The following DIAPH2 variants were observed in gnomAD, a reference collection of about 807,000 sequenced individuals.
DIAPH2 encodes the protein protein diaphanous homolog 2.
A neutral mutation model predicts 92.7 loss-of-function variants in DIAPH2; 35 were observed. The ratio of observed to expected loss-of-function variants is 0.38; its 90% CI spans 0.29 to 0.50. The LOEUF is 0.50. Among genes scored for constraint, DIAPH2 ranks in the 20% least tolerant of loss-of-function variants. DIAPH2 has a pLI of 0.94. For missense variants in DIAPH2, 701 were observed against 819.5 expected, an observed-to-expected ratio of 0.86 and a Z score of 1.77; for synonymous variants, 301 against 280.4, an observed-to-expected ratio of 1.07 and a Z score of -0.73.
intron 26 of DIAPH2, among the ~76,000 whole-genome samples, chrX:97,491,676 G>A (rs149041910): frequency 0.015 from 1,690 of 111,891 alleles, 19 homozygotes; most frequent in Non-Finnish European, 0.024. Context: ...GATTACAGGC[G>A]TGAGCCACCG....
intron 17 of DIAPH2, among the ~76,000 whole-genome samples, chrX:97,056,599 C>A (rs1164640186): frequency 9.0e-6 from 1 of 111,637 alleles, no homozygotes; most frequent in African/African-American, 3.3e-5. Context: ...TTTTGTTAAA[C>A]CAAATTTTTC....
intron 4 of DIAPH2, among the ~76,000 whole-genome samples, chrX:96,835,849 A>T (rs2064882694): frequency 9.0e-6 from 1 of 110,707 alleles, no homozygotes; most frequent in African/African-American, 3.3e-5. Context: ...GTCTCACTCC[A>T]GTTGCCCAGA....
chrX:97,572,017 C>T (rs1449867120), intron 26 of DIAPH2, among the ~76,000 whole-genome samples: 4 of 109,307 alleles, frequency 3.7e-5, no homozygotes, highest in Non-Finnish European at 7.6e-5. Flanking sequence ...AGCAGAAGTA[C>T]GAAGTGAAGG....
chrX:97,257,957 TAAAAAAA>T (rs59772699), intron 23 of DIAPH2, among the ~76,000 whole-genome samples: 2 of 92,400 alleles, frequency 2.2e-5, no homozygotes, highest in Non-Finnish European at 4.1e-5. Flanking sequence ...GTTCTTTGTT[TAAAAAAA>T]AAAAAAAAAA....
intron 16 of DIAPH2, 92 bp from the exon 17 acceptor site, chrX:96,965,001 A>G: frequency 1.1e-6 from 1 of 939,113 alleles, no homozygotes; most frequent in East Asian, 4.1e-5. Flanking sequence ...GGAATAAAGG[A>G]ACTGTCATTC....
intron 22 of DIAPH2, among the ~76,000 whole-genome samples, chrX:97,246,414 A>G (rs1035961415): frequency 2.7e-5 from 3 of 112,537 alleles, no homozygotes; most frequent in African/African-American, 9.7e-5. Flanking sequence ...CTTCTGCAAT[A>G]AAGAATAATT....
chrX:97,053,112 G>A (rs774140286), intron 17 of DIAPH2, among the ~76,000 whole-genome samples: 1 of 110,993 alleles, frequency 9.0e-6, no homozygotes, highest in African/African-American at 3.3e-5. Flanking sequence ...GGGGTTTGTA[G>A]GACCATTACC....
intron 25 of DIAPH2, among the ~76,000 whole-genome samples, chrX:97,393,777 T>A (rs1215233918): frequency 8.9e-6 from 1 of 112,233 alleles, no homozygotes; most frequent in Admixed American, 9.5e-5. Flanking sequence ...GGAAAAAGTA[T>A]GTTAAAATGG....
chrX:97,591,287 T>G (rs766254267), intron 26 of DIAPH2, among the ~76,000 whole-genome samples: 19 of 112,050 alleles, frequency 1.7e-4, no homozygotes, highest in Admixed American at 3.8e-4. Flanking sequence ...TCCATTGTAC[T>G]TAAAATGTAA....
intron 22 of DIAPH2, among the ~76,000 whole-genome samples, chrX:97,246,964 T>A (rs1376283397): frequency 9.0e-6 from 1 of 111,654 alleles, no homozygotes; most frequent in Non-Finnish European, 1.9e-5. Context: ...TAAAAAAAAA[T>A]TACCTGGTAA....
intron 12 of DIAPH2, among the ~76,000 whole-genome samples, chrX:96,939,594 G>C (rs1293510623): frequency 3.5e-5 from 2 of 57,336 alleles, no homozygotes; most frequent in African/African-American, 1.1e-4. Context: ...ATGTGTGTGT[G>C]TGTATATACA....
chrX:97,130,932 C>T (rs780726203), intron 21 of DIAPH2, among the ~76,000 whole-genome samples: 1 of 110,199 alleles, frequency 9.1e-6, no homozygotes, highest in African/African-American at 3.3e-5. Flanking sequence ...TGGCAAAACC[C>T]CATCTCTACA....
At position 96,750,925 on chromosome X, in the gene DIAPH2, C is replaced by T. The variant is rs140302842; in HGVS notation, c.343-7229C>T. ...GCTTTTACCAAGTGTTTCTCTAATG[C>T]CATGGTACCTTTTGTCAGTTGTTAT... On this transcript the variant is annotated intron_variant, in intron 3 of 26. Coordinates refer to ENST00000324765, the MANE Select transcript of DIAPH2 (RefSeq NM_006729.5). 2.5e-3 allele frequency among the ~76,000 whole-genome samples: 280 copies of T among 112,384 alleles called. 4 individuals are homozygous for T. The East Asian group carries it at 0.067, about 27-fold the overall frequency.
chrX:97,421,911 T>G (rs1236408734), intron 25 of DIAPH2, among the ~76,000 whole-genome samples: 2 of 111,752 alleles, frequency 1.8e-5, no homozygotes, highest in Admixed American at 9.6e-5. Flanking sequence ...GTTTCTCTCC[T>G]CATGCTTTAT....
intron 26 of DIAPH2, among the ~76,000 whole-genome samples, chrX:97,486,194 A>C (rs908645085): frequency 9.0e-6 from 1 of 111,515 alleles, no homozygotes; most frequent in African/African-American, 3.3e-5. Flanking sequence ...TTATTATTCA[A>C]TTGCAATGTT....
intron 17 of DIAPH2, among the ~76,000 whole-genome samples, chrX:97,019,959 C>T (rs1184152045): frequency 8.9e-6 from 1 of 112,203 alleles, no homozygotes; most frequent in Admixed American, 9.4e-5. Flanking sequence ...TGTAATGCCA[C>T]GACTCCTGTA....
intron 17 of DIAPH2, among the ~76,000 whole-genome samples, chrX:97,012,795 GTC>G (rs1461465693): frequency 1.8e-5 from 2 of 112,066 alleles, no homozygotes; most frequent in East Asian, 5.6e-4. Flanking sequence ...TTTATTGACT[GTC>G]TCTCCTAGCA....
intron 26 of DIAPH2, among the ~76,000 whole-genome samples, chrX:97,437,761 TACACAC>T (rs58161143): frequency 2.1e-3 from 199 of 95,745 alleles, no homozygotes; most frequent in African/African-American, 7.2e-3. Flanking sequence ...TACATGATTT[TACACAC>T]ACACACACAC....
intron 3 of DIAPH2, among the ~76,000 whole-genome samples, chrX:96,755,379 C>T (rs1452070590): frequency 2.7e-5 from 3 of 111,030 alleles, no homozygotes; most frequent in Admixed American, 9.5e-5. Context: ...TGATGCCAGG[C>T]GTGGTGGCTC....
Sources: allele counts gnomAD v4.1 joint callset (sites outside exome capture counted in the v4.1 genomes callset), GRCh38; gene constraint gnomAD v4.1.1; transcripts MANE v1.5; gene names NCBI Gene and HGNC (gene_info 2026-07-23, HGNC 2026-07-21).